SORCS2: variants seen among roughly 807,000 people sequenced by gnomAD.
SORCS2 encodes the protein VPS10 domain-containing receptor SorCS2.
SORCS2 carries 100 observed loss-of-function variants against 141.6 expected under a neutral mutation model. That is an observed-to-expected ratio of 0.71 (90% CI 0.60 to 0.83). The LOEUF (loss-of-function observed/expected upper bound fraction) is 0.83, where lower values mean the gene tolerates loss of function less well. SORCS2 is among the 40% of genes least tolerant of loss of function. SORCS2 has a pLI of 0.00. For synonymous variants in SORCS2, 789 were observed against 676.9 expected (o/e 1.17, Z -2.57); for missense variants, 1,646 against 1,560.2 (o/e 1.05, Z -0.93).
chr4:7,647,011 G>C (rs909028551), intron 4 of SORCS2, among the ~76,000 whole-genome samples: 1 of 152,188 alleles, frequency 6.6e-6, no homozygotes, highest in African/African-American at 2.4e-5. Context: ...CGTCTGTCAG[G>C]CCGGGAGACC....
chr4:7,628,081 C>T (rs1719630869), intron 3 of SORCS2, among the ~76,000 whole-genome samples: 1 of 152,188 alleles, frequency 6.6e-6, no homozygotes, highest in Non-Finnish European at 1.5e-5. Context: ...CATGTGAAGG[C>T]AGCTTGGGGG....
rs866043640 is a variant in SORCS2, at chr4:7,300,082, C to T, written c.481-96206C>T. On this transcript the variant is annotated intron_variant, in intron 1 of 26. Coordinates refer to ENST00000507866, the MANE Select transcript of SORCS2 (RefSeq NM_020777.3). Reference sequence around the variant, plus strand: ...GGACGAGAGAGGATGGCGCGCCCTCCGCCTGCTGAGGACCGGGAGGTGGAA... The same window carrying T: ...GGACGAGAGAGGATGGCGCGCCCTCTGCCTGCTGAGGACCGGGAGGTGGAA... Among the ~76,000 whole-genome samples, 7 of 152,330 alleles carry T rather than the reference C, an allele frequency of 4.6e-5. No individual in the cohort carries two copies. In the East Asian group the frequency reaches 7.7e-4, roughly 17 times the overall value.
chr4:7,533,253 G>T (rs1005256987), intron 3 of SORCS2, among the ~76,000 whole-genome samples: 2 of 152,216 alleles, frequency 1.3e-5, no homozygotes, highest in African/African-American at 4.8e-5. Flanking sequence ...GCCTGTACCT[G>T]CTGGAAAACC....
chr4:7,616,978 G>A (rs1046903496), intron 3 of SORCS2, among the ~76,000 whole-genome samples: 1 of 152,198 alleles, frequency 6.6e-6, no homozygotes, highest in African/African-American at 2.4e-5. Context: ...GCTTTGCAGG[G>A]CTCCAGCAGG....
At chr4:7,603,401 C>T (rs531013508) in intron 3 of SORCS2, among the ~76,000 whole-genome samples, 9 of 152,186 alleles carry the variant, frequency 5.9e-5, no homozygotes, top group East Asian at 5.8e-4. Flanking sequence ...CGATTTTCTC[C>T]GTCTGTTTTC....
In SORCS2 at chr4:7,373,486, T is replaced by A. The variant is rs1224563541; in HGVS notation, c.481-22802T>A. ...TATATATATATATATATATTTTTTT[T>A]TTTTTTTTTTTTTTTTTTTTGAGTC... On this transcript the variant is annotated intron_variant, in intron 1 of 26. Transcript: ENST00000507866. Among the ~76,000 whole-genome samples the A allele has an allele frequency of 3.4e-3, 79 of 23,344 alleles. 1 individual carries two copies. Among genetic ancestry groups the A allele is most frequent in the Non-Finnish European group, 6.3e-3 (59 of 9,438 alleles). 15.3% of individuals were successfully genotyped at this position (23,344 alleles called of 152,430 possible). A position where few individuals can be genotyped will look rare whatever the true frequency, so the allele number is the denominator to read the frequency against.
intron 1 of SORCS2, among the ~76,000 whole-genome samples, chr4:7,379,977 C>G (rs946754830): frequency 1.3e-5 from 2 of 152,216 alleles, no homozygotes; most frequent in African/African-American, 4.8e-5. Context: ...CCCAGTCTGC[C>G]GGTTCCGTTC....
chr4:7,342,340 G>A (rs2108991181), intron 1 of SORCS2, among the ~76,000 whole-genome samples: 1 of 152,368 alleles, frequency 6.6e-6, no homozygotes, highest in South Asian at 2.1e-4. Flanking sequence ...GCCTGGAAGA[G>A]CCTGTGCTGG....
chr4:7,232,256 C>T (rs1438984581), intron 1 of SORCS2, among the ~76,000 whole-genome samples: 1 of 152,090 alleles, frequency 6.6e-6, no homozygotes, highest in Non-Finnish European at 1.5e-5. Context: ...GGAAAGCTGC[C>T]TGGTGGCCAG....
At chr4:7,597,228 T>C (rs778985900) in intron 3 of SORCS2, among the ~76,000 whole-genome samples, 12 of 147,300 alleles carry the variant, frequency 8.1e-5, no homozygotes, top group Non-Finnish European at 1.5e-4. Flanking sequence ...AAGGAGGCTA[T>C]TGCAATAGGG....
At chr4:7,209,391 C>T (rs1354257813) in intron 1 of SORCS2, among the ~76,000 whole-genome samples, 3 of 152,192 alleles carry the variant, frequency 2.0e-5, no homozygotes, top group African/African-American at 7.2e-5. Flanking sequence ...TCTTGAGATA[C>T]TTGTGGCCTC....
At chr4:7,660,239 T>C (rs1195865774) in intron 5 of SORCS2, among the ~76,000 whole-genome samples, 2 of 152,156 alleles carry the variant, frequency 1.3e-5, no homozygotes, top group African/African-American at 2.4e-5. Flanking sequence ...AGCAGGGCAA[T>C]GAAACGGGGA....
At chr4:7,222,164 C>T (rs1332349509) in intron 1 of SORCS2, among the ~76,000 whole-genome samples, 2 of 152,164 alleles carry the variant, frequency 1.3e-5, no homozygotes, top group Non-Finnish European at 2.9e-5. Context: ...CCCTCCTAGG[C>T]ATAAACCCCA....
At chr4:7,341,525 C>A (rs757587323) in intron 1 of SORCS2, among the ~76,000 whole-genome samples, 23 of 152,218 alleles carry the variant, frequency 1.5e-4, no homozygotes, top group Non-Finnish European at 3.4e-4. Flanking sequence ...AGAGGCCTGG[C>A]AGCAGGAGGT....
intron 1 of SORCS2, among the ~76,000 whole-genome samples, chr4:7,320,005 T>G (rs1718798785): frequency 6.6e-6 from 1 of 152,172 alleles, no homozygotes; most frequent in Non-Finnish European, 1.5e-5. Context: ...GTACTCTTTT[T>G]TAAAAAGACA....
In SORCS2 at chr4:7,742,139, A is replaced by T. The variant is rs1410113331; in HGVS notation, c.*1875A>T. On this transcript the variant is annotated 3_prime_UTR_variant, in exon 27 of 27. Transcript: ENST00000507866. ...GAGGCCACCCTACAAGTTGTCCTCA[A>T]GGTCATCCTGGAGATGGGATCCAGG... The T allele has an allele frequency of 6.6e-6, 1 of 152,188 alleles. No homozygotes were observed. Among genetic ancestry groups the T allele is most frequent in the South Asian group, 2.1e-4 (1 of 4,826 alleles). The allele number at this position is 152,188 out of a possible 1,614,324, so 9.4% of individuals were successfully genotyped here.
intron 2 of SORCS2, among the ~76,000 whole-genome samples, chr4:7,454,760 C>G (rs1440320020): frequency 3.4e-5 from 3 of 88,626 alleles, no homozygotes; most frequent in East Asian, 4.0e-4. Context: ...GGGTCAGGCA[C>G]TGTGTTGGGG....
At chr4:7,473,028 A>C (rs1360792275) in intron 2 of SORCS2, among the ~76,000 whole-genome samples, 15 of 152,030 alleles carry the variant, frequency 9.9e-5, no homozygotes, top group African/African-American at 3.1e-4. Context: ...GGGGTTTTGC[A>C]TGCTAGACAC....
intron 1 of SORCS2, among the ~76,000 whole-genome samples, chr4:7,361,548 G>GC (rs75939882): frequency 0.14 from 21,642 of 152,058 alleles, 1,880 homozygotes; most frequent in East Asian, 0.29. Flanking sequence ...GCAGCTGCAG[G>GC]CCCCCTGCCT....
Sources: gnomAD v4.1 joint callset for allele counts (sites outside exome capture counted in the v4.1 genomes callset) on GRCh38, gnomAD v4.1.1 for gene constraint, MANE v1.5 for transcripts, NCBI Gene and HGNC (gene_info 2026-07-23, HGNC 2026-07-21) for gene names.